The following LRRC9 variants were observed in gnomAD, a reference collection of about 807,000 sequenced individuals.
LRRC9 encodes leucine-rich repeat-containing protein 9.
LRRC9 carries 122 observed loss-of-function variants against 63.2 expected under a neutral mutation model. That is an observed-to-expected ratio of 1.93 (90% confidence interval 1.67 to 2.24). The LOEUF is 2.24. Ranked by LOEUF, LRRC9 falls within the 30% of genes most tolerant of loss-of-function variation. LRRC9 has a pLI of 0.00. For synonymous variants in LRRC9, 366 were observed against 213.1 expected (o/e 1.72, Z -6.25); for missense variants, 1,071 against 627.7 (o/e 1.71, Z -7.55).
At chr14:60,043,085 T>C (rs1357909588) in intron 29 of LRRC9, among the ~76,000 whole-genome samples, 1 of 152,238 alleles carries the variant, frequency 6.6e-6, no homozygotes, top group Non-Finnish European at 1.5e-5. Context: ...TCTTGATTTC[T>C]TTTTCAAATT....
chr14:60,065,050 A>G (rs1464042669), downstream of LRRC9, among the ~76,000 whole-genome samples: 2 of 152,164 alleles, frequency 1.3e-5, no homozygotes, highest in Non-Finnish European at 2.9e-5. Context: ...CACATTGTTA[A>G]ATTTTGAGCT....
At position 59,979,670 on chromosome 14, in the gene LRRC9, A is replaced by T. The variant is rs947400520; in HGVS notation, c.1878+1538A>T. Among the ~76,000 whole-genome samples, 5 of 152,240 alleles carry T rather than the reference A, an allele frequency of 3.3e-5. No individual in the cohort carries two copies. In the South Asian group the frequency reaches 6.2e-4, roughly 19 times the overall value. ...CATTTTGTTCATGTCCTTTGTAGGG[A>T]CATGGATGAAATTGGAAATCATCAT... On this transcript the variant is annotated intron_variant, in intron 15 of 31. Transcript: ENST00000445360.
chr14:59,993,285 C>A (rs918553999), intron 17 of LRRC9, among the ~76,000 whole-genome samples: 3 of 152,134 alleles, frequency 2.0e-5, no homozygotes, highest in Admixed American at 2.0e-4. Flanking sequence ...ACCACCAGGC[C>A]TGCCCTACAA....
At position 59,964,106 on chromosome 14, in the gene LRRC9, G is replaced by A. The variant is rs1014678080; in HGVS notation, c.1212-2483G>A. On this transcript the variant is annotated intron_variant, in intron 10 of 31. Transcript: ENST00000445360. This position sits in a 1 kb window ranked among gnomAD's most constrained non-coding sequence, Gnocchi z 4.4. ...CTGACTCTAAAGGATTTGAACAGGA[G>A]TTATGATTAGTTTAGAGACCATACA... 6.6e-6 allele frequency among the ~76,000 whole-genome samples: 1 copy of A among 152,174 alleles called. No homozygotes were observed. Among genetic ancestry groups the A allele is most frequent in the Non-Finnish European group, 1.5e-5 (1 of 68,014 alleles).
intron 19 of LRRC9, among the ~76,000 whole-genome samples, chr14:60,000,119 A>T (rs1889212954): frequency 6.6e-6 from 1 of 152,178 alleles, no homozygotes; most frequent in African/African-American, 2.4e-5. Flanking sequence ...GCCATAAAAA[A>T]GAATGAAATC....
intron 17 of LRRC9, among the ~76,000 whole-genome samples, chr14:59,991,721 A>T (rs1020983345): frequency 6.6e-6 from 1 of 152,162 alleles, no homozygotes; most frequent in East Asian, 1.9e-4. Context: ...ACTCATTGCT[A>T]GCCAAGCAGT....
intron 29 of LRRC9, among the ~76,000 whole-genome samples, chr14:60,048,517 T>G (rs1893625425): frequency 1.3e-5 from 2 of 152,084 alleles, no homozygotes; most frequent in Admixed American, 1.3e-4. Flanking sequence ...AACACCTCTA[T>G]GCACATGAAC....
intron 12 of LRRC9, among the ~76,000 whole-genome samples, chr14:59,970,030 G>A (rs371905323): frequency 2.2e-4 from 33 of 152,068 alleles, no homozygotes; most frequent in East Asian, 9.6e-4. Context: ...CTTGTGTCAT[G>A]GGTGTATGTT....
At chr14:59,998,786 T>C (rs1248523091) in intron 18 of LRRC9, among the ~76,000 whole-genome samples, 1 of 152,066 alleles carries the variant, frequency 6.6e-6, no homozygotes, top group Non-Finnish European at 1.5e-5. Context: ...CACATGGAGA[T>C]GACTAGCTTA....
At chr14:59,975,245 T>C (rs1162688499) in intron 13 of LRRC9, among the ~76,000 whole-genome samples, 5 of 147,734 alleles carry the variant, frequency 3.4e-5, no homozygotes, top group African/African-American at 1.2e-4. Context: ...GTGATAATTA[T>C]ATAATAATTA....
At chr14:59,951,847 G>A (rs1168316748) in intron 8 of LRRC9, among the ~76,000 whole-genome samples, 1 of 152,206 alleles carries the variant, frequency 6.6e-6, no homozygotes, top group Non-Finnish European at 1.5e-5. Context: ...TGAGGAGGCA[G>A]TCTGCCCGTT....
At chr14:59,945,465 A>G (rs1358029522) in intron 8 of LRRC9, among the ~76,000 whole-genome samples, 2 of 151,708 alleles carry the variant, frequency 1.3e-5, no homozygotes, top group African/African-American at 2.4e-5. Context: ...ACCAGTAGGA[A>G]AAAAAAGAAT....
intron 3 of LRRC9, among the ~76,000 whole-genome samples, chr14:59,929,892 T>C (rs1246358386): frequency 6.6e-6 from 1 of 151,736 alleles, no homozygotes; most frequent in African/African-American, 2.4e-5. Flanking sequence ...CATGGACACA[T>C]AGAGGGGAAC....
chr14:60,024,217 C>T (rs1891339378), intron 27 of LRRC9, among the ~76,000 whole-genome samples: 1 of 152,016 alleles, frequency 6.6e-6, no homozygotes, highest in African/African-American at 2.4e-5. Flanking sequence ...TGAGGAATTG[C>T]CACACTGTCT....
chr14:59,973,246 G>A (rs972266475), intron 12 of LRRC9, among the ~76,000 whole-genome samples: 1 of 151,966 alleles, frequency 6.6e-6, no homozygotes, highest in African/African-American at 2.4e-5. Context: ...TATCTTATTT[G>A]ACACATCTTG....
At chr14:59,971,471 T>C (rs1833495875) in intron 12 of LRRC9, among the ~76,000 whole-genome samples, 1 of 152,186 alleles carries the variant, frequency 6.6e-6, no homozygotes. Flanking sequence ...GTGAAGAATG[T>C]CACTGTTAGT....
At chr14:59,992,683 C>T (rs183279489) in intron 17 of LRRC9, among the ~76,000 whole-genome samples, 7 of 152,102 alleles carry the variant, frequency 4.6e-5, no homozygotes, top group Admixed American at 3.3e-4. Flanking sequence ...GTAGCCAATT[C>T]GATCAACTGG....
chr14:59,943,083 A>C (rs1881965502), intron 7 of LRRC9, among the ~76,000 whole-genome samples: 1 of 151,866 alleles, frequency 6.6e-6, no homozygotes, highest in Non-Finnish European at 1.5e-5. Context: ...TTATTGGATG[A>C]GTAGTTTGCA....
intron 13 of LRRC9, among the ~76,000 whole-genome samples, chr14:59,975,387 CTTATA>C (rs1486363024): frequency 6.6e-6 from 1 of 151,532 alleles, no homozygotes; most frequent in Non-Finnish European, 1.5e-5. Context: ...TATAACTTGT[CTTATA>C]TAAGATAATT....
Sources: allele counts gnomAD v4.1 joint callset (sites outside exome capture counted in the v4.1 genomes callset), GRCh38; gene constraint gnomAD v4.1.1; non-coding constraint Gnocchi (gnomAD v3.1); transcripts MANE v1.5; gene names NCBI Gene and HGNC (gene_info 2026-07-23, HGNC 2026-07-21).